Variants in DTNBP1 observed in about 807,000 individuals in gnomAD.
The protein encoded by DTNBP1 is dystrobrevin binding protein 1, also known as dysbindin.
In DTNBP1, 35 loss-of-function variants were observed where a neutral mutation model predicts 42.8. The ratio of observed to expected loss-of-function variants is 0.82; its 90% CI spans 0.63 to 1.09. DTNBP1 has a LOEUF of 1.09. DTNBP1 is among the 50% of genes least tolerant of loss of function. The pLI, the probability that DTNBP1 is intolerant of heterozygous loss-of-function variation, is 0.00. For missense variants in DTNBP1, 457 were observed against 424.2 expected, an observed-to-expected ratio of 1.08 and a Z score of -0.68; for synonymous variants, 171 against 162.2, an observed-to-expected ratio of 1.05 and a Z score of -0.41.
intron 7 of DTNBP1, among the ~76,000 whole-genome samples, chr6:15,590,260 C>A (rs878898733): frequency 6.6e-6 from 1 of 152,050 alleles, no homozygotes; most frequent in East Asian, 1.9e-4. Flanking sequence ...ATTTTCAATT[C>A]GGATTCAACC....
chr6:15,617,822 T>C (rs1758801789), intron 5 of DTNBP1, among the ~76,000 whole-genome samples: 1 of 152,060 alleles, frequency 6.6e-6, no homozygotes, highest in Non-Finnish European at 1.5e-5. Flanking sequence ...TGGACAAAGA[T>C]TTTATGGAGA....
intron 7 of DTNBP1, among the ~76,000 whole-genome samples, chr6:15,540,045 C>T (rs1348955282): frequency 6.6e-6 from 1 of 152,184 alleles, no homozygotes; most frequent in Non-Finnish European, 1.5e-5. Flanking sequence ...ACAACAGCCT[C>T]TTGAAGAGGG....
chr6:15,614,531 C>G (rs779901777), intron 6 of DTNBP1, among the ~76,000 whole-genome samples: 2 of 152,164 alleles, frequency 1.3e-5, no homozygotes, highest in Non-Finnish European at 2.9e-5. Flanking sequence ...CTGAGACTGA[C>G]TCCCCACGGA....
chr6:15,555,976 G>C (rs1469557650), intron 7 of DTNBP1, among the ~76,000 whole-genome samples: 1 of 152,116 alleles, frequency 6.6e-6, no homozygotes, highest in Admixed American at 6.5e-5. Flanking sequence ...CGACCCAAAA[G>C]AATAGACTGC....
intron 6 of DTNBP1, among the ~76,000 whole-genome samples, chr6:15,610,529 TAGTG>T (rs147349827): frequency 6.6e-6 from 1 of 152,280 alleles, no homozygotes; most frequent in East Asian, 1.9e-4. Context: ...TAATCAAGCT[TAGTG>T]AGGAAGGCAT....
rs62397469 is a variant in DTNBP1, at chr6:15,587,344, C to T, written c.511+5715G>A. On this transcript the variant is annotated intron_variant, in intron 7 of 9. Transcript: ENST00000344537. This position sits in a 1 kb window ranked among gnomAD's most constrained non-coding sequence, Gnocchi z 4.1. ...TCCCCAAATTGATCTATACATGCAA[C>T]ACAACCATCCCTATTCAAGTCTCAG... 0.091 allele frequency among the ~76,000 whole-genome samples: 13,809 copies of T among 152,236 alleles called. 703 individuals are homozygous for T. Among genetic ancestry groups the T allele is most frequent in the Non-Finnish European group, 0.11 (7,267 of 68,020 alleles).
chr6:15,628,448 C>T (rs1229012920), intron 4 of DTNBP1, among the ~76,000 whole-genome samples: 2 of 142,966 alleles, frequency 1.4e-5, no homozygotes, highest in Non-Finnish European at 3.0e-5. Context: ...TCTTGTTGCC[C>T]AGGCTGGAGT....
intron 8 of DTNBP1, among the ~76,000 whole-genome samples, chr6:15,528,808 T>C (rs576892069): frequency 6.6e-6 from 1 of 152,308 alleles, no homozygotes; most frequent in Admixed American, 6.5e-5. Flanking sequence ...TTCCAAAGTG[T>C]GGTCCCCTCA....
chr6:15,651,956 G>A (rs901183433), intron 2 of DTNBP1, 131 bp downstream of exon 2: 15 of 752,042 alleles, frequency 2.0e-5, no homozygotes, highest in Admixed American at 8.1e-5. Flanking sequence ...AGAAAGAATC[G>A]ATAAATTATT....
At chr6:15,591,911 A>G (rs542748352) in intron 7 of DTNBP1, among the ~76,000 whole-genome samples, 1 of 152,372 alleles carries the variant, frequency 6.6e-6, no homozygotes, top group East Asian at 1.9e-4. Context: ...CTGATTGAAA[A>G]AAGAATGTAT....
At chr6:15,533,464 T>G in intron 7 of DTNBP1, 69 bp from the exon 8 acceptor site, 1 of 1,612,126 alleles carries the variant, frequency 6.2e-7, no homozygotes. Context: ...TATAAACAGC[T>G]GCTCGCATCC....
At chr6:15,537,336 C>T (rs7745876) in intron 7 of DTNBP1, among the ~76,000 whole-genome samples, 123,111 of 151,614 alleles carry the variant, frequency 0.81, 50,446 homozygotes, top group East Asian at 1. Flanking sequence ...GGCAGGAGAA[C>T]TGCTCGAACC....
intron 5 of DTNBP1, among the ~76,000 whole-genome samples, chr6:15,620,026 G>A (rs976607341): frequency 6.6e-6 from 1 of 151,766 alleles, no homozygotes; most frequent in African/African-American, 2.4e-5. Flanking sequence ...AATTTGGTCG[G>A]GGGGGAATAA....
intron 6 of DTNBP1, among the ~76,000 whole-genome samples, chr6:15,597,657 T>C (rs1776567286): frequency 6.6e-6 from 1 of 152,190 alleles, no homozygotes; most frequent in Non-Finnish European, 1.5e-5. Flanking sequence ...CCTTGTAATG[T>C]GGTTCTGTTC....
At chr6:15,554,706 T>C (rs1309138210) in intron 7 of DTNBP1, among the ~76,000 whole-genome samples, 1 of 152,146 alleles carries the variant, frequency 6.6e-6, no homozygotes, top group East Asian at 1.9e-4. Context: ...AGGAGAAAGG[T>C]GCACACATGC....
chr6:15,661,570 C>T (rs1761632461), intron 1 of DTNBP1, among the ~76,000 whole-genome samples: 1 of 137,388 alleles, frequency 7.3e-6, no homozygotes, highest in South Asian at 2.4e-4. Flanking sequence ...CGCTTGAATC[C>T]GGGAGGCGGC....
intron 7 of DTNBP1, among the ~76,000 whole-genome samples, chr6:15,539,796 G>A (rs1236809458): frequency 6.6e-6 from 1 of 152,098 alleles, no homozygotes; most frequent in Non-Finnish European, 1.5e-5. Flanking sequence ...CCTCGCTCCT[G>A]CTTCTTGGAA....
intron 6 of DTNBP1, among the ~76,000 whole-genome samples, chr6:15,594,914 C>T (rs1168235218): frequency 6.6e-6 from 1 of 152,028 alleles, no homozygotes; most frequent in Non-Finnish European, 1.5e-5. Flanking sequence ...ATTCTCCTAC[C>T]CCCAAATACT....
chr6:15,635,748 T>G (rs1759970350), intron 4 of DTNBP1, among the ~76,000 whole-genome samples: 2 of 152,212 alleles, frequency 1.3e-5, no homozygotes, highest in African/African-American at 2.4e-5. Context: ...ATCCTTTCTG[T>G]GTACTCTTTG....
Sources: gnomAD v4.1 joint callset for allele counts (sites outside exome capture counted in the v4.1 genomes callset) on GRCh38, gnomAD v4.1.1 for gene constraint, Gnocchi (gnomAD v3.1) non-coding constraint, MANE v1.5 for transcripts, NCBI Gene and HGNC (gene_info 2026-07-23, HGNC 2026-07-21) for gene names.